The following KRIT1 variants were observed in gnomAD, a reference collection of about 807,000 sequenced individuals.
KRIT1 encodes KRIT1 ankyrin repeat containing, also known as krev interaction trapped protein 1.
KRIT1 carries 45 observed loss-of-function variants against 95.8 expected under a neutral mutation model. The ratio of observed to expected loss-of-function variants is 0.47; its 90% confidence interval spans 0.37 to 0.60. The LOEUF (loss-of-function observed/expected upper bound fraction) is 0.60. Among genes scored for constraint, KRIT1 ranks in the 20% least tolerant of loss-of-function variants. The probability of loss-of-function intolerance (pLI) is 0.00; values close to 1 mark genes in which losing one functional copy is unlikely to be tolerated. For synonymous variants in KRIT1, 282 were observed against 278.8 expected, an observed-to-expected ratio of 1.01 and a Z score of -0.11; for missense variants, 788 against 877.5, an observed-to-expected ratio of 0.90 and a Z score of 1.29.
In KRIT1 at chr7:92,242,085, T is replaced by C; in HGVS notation, c.51A>G (p.Pro17=). ...GAGAATTGAGACTGGCAGTATTCTT[T>C]GGACGAATAACAGCAACATATGCAT... The part of the protein sequence containing the change: ...IEDAYVAVIR[P]KNTASLNSRE... The change falls in exon 4 of 19, where the codon CCA becomes CCG. Residue 17 remains proline, a synonymous_variant. Transcript: ENST00000394505. 1 of 1,605,296 alleles carries C rather than the reference T, an allele frequency of 6.2e-7. No homozygotes were observed. The highest frequency in any genetic ancestry group is 8.5e-7 in the Non-Finnish European group (1 of 1,172,192).
Position 92,226,539 on chromosome 7 carries a change from G to A in KRIT1, c.1133C>T (p.Pro378Leu). ...AEIVQILLNH[P>L]ETDRHITDQQ... ...AAAATAACTTACTCTATCCGTTTCT[G>A]GGTGGTTTAGGAGAATCTGTACTAT... is the stretch of plus-strand genomic sequence containing the variant. Residue 378 changes from proline to leucine, a missense_variant, in exon 11 of 19, where the codon CCA (proline) becomes CTA (leucine). By Grantham distance (98) the Pro-to-Leu change is moderately conservative. Transcript: ENST00000394505. 1 of 1,611,406 alleles carries A rather than the reference G, an allele frequency of 6.2e-7. No homozygotes were observed. Among genetic ancestry groups the A allele is most frequent in the South Asian group, 1.1e-5 (1 of 91,018 alleles).
At chr7:92,233,605 C>T (rs990904791) in intron 10 of KRIT1, among the ~76,000 whole-genome samples, 5 of 151,658 alleles carry the variant, frequency 3.3e-5, no homozygotes, top group African/African-American at 9.7e-5. Context: ...CGGGGTTTCA[C>T]CATGTTAGCC....
intron 2 of KRIT1, among the ~76,000 whole-genome samples, 192 bp downstream of exon 2, chr7:92,244,710 G>C (rs1178007651): frequency 6.6e-6 from 1 of 152,210 alleles, no homozygotes; most frequent in African/African-American, 2.4e-5. Flanking sequence ...GGTATAACTA[G>C]AGTTTGCAAT....
At chr7:92,230,236 C>T (rs866554521) in intron 10 of KRIT1, among the ~76,000 whole-genome samples, 6 of 152,052 alleles carry the variant, frequency 3.9e-5, no homozygotes, top group South Asian at 2.1e-4. Context: ...AGTTAACTAA[C>T]TTGCCCAACG....
In KRIT1 at chr7:92,211,947, C is replaced by CA. The variant is rs76624237; in HGVS notation, c.2025+1247dup. ...GTCTCTGAAAGAAAACAAAAAACAA[C>CA]AAAAAAAAAAAGCCAGGCATGGTGT... On this transcript the variant is annotated intron_variant, in intron 17 of 18. Coordinates refer to ENST00000394505, the MANE Select transcript of KRIT1 (RefSeq NM_194454.3). 7.5e-3 allele frequency among the ~76,000 whole-genome samples: 1,069 copies of CA among 142,178 alleles called. 5 individuals carry two copies. Among genetic ancestry groups the CA allele is most frequent in the Non-Finnish European group, 0.01 (662 of 64,336 alleles). 93.3% of individuals were successfully genotyped at this position (142,178 alleles called of 152,430 possible). A position where few individuals can be genotyped will look rare whatever the true frequency, so the allele number is the denominator to read the frequency against.
chr7:92,201,276 G>T, intron 18 of KRIT1, 31 bp downstream of exon 18: 1 of 1,009,020 alleles, frequency 9.9e-7, no homozygotes, highest in Non-Finnish European at 1.6e-6. Context: ...TAACACAATA[G>T]TTTATGAAGT....
Position 92,238,476 on chromosome 7 carries a change from T to C in KRIT1, c.263-717A>G, listed in dbSNP as rs536441665. On this transcript the variant is annotated intron_variant, in intron 5 of 18. Coordinates refer to ENST00000394505, the MANE Select transcript of KRIT1 (RefSeq NM_194454.3). ...ATAAGACTTCAAATAGATTCACTTATTCACAAAATATCAGAGCCAATATTT... is the reference window on the plus strand; with the variant it reads ...ATAAGACTTCAAATAGATTCACTTACTCACAAAATATCAGAGCCAATATTT... Among the ~76,000 whole-genome samples, 15 of 152,336 alleles carry C rather than the reference T, an allele frequency of 9.8e-5. No individual in the cohort carries two copies. In the South Asian group the frequency reaches 1.5e-3, roughly 15 times the overall value.
At chr7:92,200,898 G>A (rs1473597004) in intron 18 of KRIT1, 94 bp from the exon 19 acceptor site, 11 of 862,478 alleles carry the variant, frequency 1.3e-5, no homozygotes, top group Non-Finnish European at 2.1e-5. Context: ...CTATTTGAAA[G>A]GGAACTTTCT....
At chr7:92,228,403 T>C (rs1394366601) in intron 10 of KRIT1, among the ~76,000 whole-genome samples, 1 of 152,178 alleles carries the variant, frequency 6.6e-6, no homozygotes, top group African/African-American at 2.4e-5. Context: ...GTTTTGGTTT[T>C]AGATATGGAA....
chr7:92,224,527 T>C (rs1296662251), intron 12 of KRIT1, among the ~76,000 whole-genome samples: 1 of 152,170 alleles, frequency 6.6e-6, no homozygotes, highest in Non-Finnish European at 1.5e-5. Flanking sequence ...CTCTTAGGCA[T>C]AATTGAGTTT....
chr7:92,230,420 T>C (rs534360775), intron 10 of KRIT1, among the ~76,000 whole-genome samples: 28 of 152,310 alleles, frequency 1.8e-4, no homozygotes, highest in Admixed American at 4.6e-4. Context: ...CATTATGCTC[T>C]TTCAACTCCT....
intron 12 of KRIT1, among the ~76,000 whole-genome samples, chr7:92,224,640 T>C (rs148203774): frequency 6.6e-6 from 1 of 152,258 alleles, no homozygotes; most frequent in East Asian, 1.9e-4. Context: ...GCATTTTCGA[T>C]TTATGAGTTT....
At chr7:92,241,643 T>C (rs1585027013) in intron 4 of KRIT1, among the ~76,000 whole-genome samples, 1 of 152,104 alleles carries the variant, frequency 6.6e-6, no homozygotes, top group Non-Finnish European at 1.5e-5. Context: ...TGTCTAAAAA[T>C]TTAAGGCAAA....
Position 92,200,471 on chromosome 7 carries a change from G to T in KRIT1, c.*265C>A. 1 of 412,620 alleles carries T rather than the reference G, an allele frequency of 2.4e-6. No homozygotes were observed. The highest frequency in any genetic ancestry group is 4.5e-6 in the Non-Finnish European group (1 of 221,436). The allele number at this position is 412,620 out of a possible 1,614,324, so 25.6% of individuals were successfully genotyped here. A position where few individuals can be genotyped will look rare whatever the true frequency, so the allele number is the denominator to read the frequency against. On this transcript the variant is annotated 3_prime_UTR_variant, in exon 19 of 19. Coordinates refer to ENST00000394505, the MANE Select transcript of KRIT1 (RefSeq NM_194454.3). The stretch of plus-strand genomic sequence containing the variant: ...CTGGGTTTAAGCGATCTCCCACCTT[G>T]GCCTCCCTAGTAGCTAGGATTATAG...
At chr7:92,234,419 T>G (rs1166729844) in intron 10 of KRIT1, 30 bp downstream of exon 10, 2 of 1,510,244 alleles carry the variant, frequency 1.3e-6, no homozygotes, top group South Asian at 2.3e-5. Flanking sequence ...GTATTCTTTC[T>G]AAAAAGAAAA....
intron 3 of KRIT1, among the ~76,000 whole-genome samples, chr7:92,242,686 C>T (rs989992843): frequency 6.6e-6 from 1 of 152,120 alleles, no homozygotes; most frequent in Non-Finnish European, 1.5e-5. Flanking sequence ...TGAGCTAAAG[C>T]GTAGTATGTA....
intron 17 of KRIT1, 82 bp from the exon 18 acceptor site, chr7:92,201,505 G>T: frequency 1.3e-6 from 1 of 785,088 alleles, no homozygotes; most frequent in Non-Finnish European, 2.3e-6. Context: ...CATTTATGTT[G>T]TCTGCTCTAA....
chr7:92,237,684 A>G lies in KRIT1; in HGVS notation c.338T>C (p.Val113Ala). ...GACTTTACCTTTGACAACTGATGGA[A>G]CAATAAATAATGATGCTTCTCTGCC... ...KMGREASLFIVPSVVKDNTKY... is the reference protein window; with the variant it reads ...KMGREASLFIAPSVVKDNTKY... Residue 113 changes from valine to alanine, a missense_variant, in exon 6 of 19, where the codon GTT becomes GCT. Val to Ala is a moderately conservative substitution (Grantham distance 64, BLOSUM62 0). This residue lies in a region of KRIT1 where 289 missense variants were observed against 277.5 expected (regional missense o/e 1.04). Transcript: ENST00000394505. 1 of 1,598,752 alleles carries G rather than the reference A, an allele frequency of 6.3e-7. No individual in the cohort carries two copies. Among genetic ancestry groups the G allele is most frequent in the Non-Finnish European group, 8.6e-7 (1 of 1,166,266 alleles).
At chr7:92,234,994 T>C in intron 8 of KRIT1, 71 bp from the exon 9 acceptor site, 5 of 784,064 alleles carry the variant, frequency 6.4e-6, no homozygotes, top group Non-Finnish European at 1.1e-5. Flanking sequence ...GTTTATATTT[T>C]AAATTTTTAC....
Sources: gnomAD v4.1 joint callset for allele counts (sites outside exome capture counted in the v4.1 genomes callset) on GRCh38, gnomAD v4.1.1 for gene constraint, gnomAD v4.1.1 regional missense constraint, MANE v1.5 for transcripts, NCBI Gene and HGNC (gene_info 2026-07-23, HGNC 2026-07-21) for gene names.